The following MAP2K1 variants were observed in gnomAD, a reference collection of about 807,000 sequenced individuals.
MAP2K1 encodes the protein dual specificity mitogen-activated protein kinase kinase 1.
MAP2K1 carries 16 observed loss-of-function variants against 46.3 expected under a neutral mutation model. That is an observed-to-expected ratio of 0.35 (90% confidence interval 0.23 to 0.52). The LOEUF is 0.52. Among genes scored for constraint, MAP2K1 ranks in the 20% least tolerant of loss-of-function variants. The pLI, the probability that MAP2K1 is intolerant of heterozygous loss-of-function variation, is 0.94. For missense variants in MAP2K1, 263 were observed against 497.1 expected (o/e 0.53, Z 4.48); for synonymous variants, 183 against 185.6 (o/e 0.99, Z 0.11).
intron 1 of MAP2K1, among the ~76,000 whole-genome samples, chr15:66,433,345 T>G (rs750113545): frequency 2.6e-5 from 4 of 152,190 alleles, no homozygotes; most frequent in Non-Finnish European, 5.9e-5. Flanking sequence ...ATAGTTTATT[T>G]TCCCACTGTT....
At chr15:66,490,317 CTG>C in intron 10 of MAP2K1, 183 bp from the exon 11 acceptor site, 1 of 701,880 alleles carries the variant, frequency 1.4e-6, no homozygotes, top group South Asian at 1.5e-5. Flanking sequence ...CTCACAGCTG[CTG>C]TGACTGGTGG....
intron 1 of MAP2K1, among the ~76,000 whole-genome samples, chr15:66,420,575 C>T (rs1028939406): frequency 6.6e-6 from 1 of 151,138 alleles, no homozygotes; most frequent in African/African-American, 2.4e-5. Flanking sequence ...AAATAAATGT[C>T]TTTCAACCTG....
chr15:66,420,881 A>G lies in MAP2K1; in HGVS notation c.81-14146A>G, dbSNP rs1314627040. Among the ~76,000 whole-genome samples the G allele has an allele frequency of 4.9e-4, 60 of 122,154 alleles. 1 individual carries two copies. The highest frequency in any genetic ancestry group is 1.6e-3 in the African/African-American group (54 of 33,960). 80.1% of individuals were successfully genotyped at this position (122,154 alleles called of 152,430 possible). A position where few individuals can be genotyped will look rare whatever the true frequency, so the allele number is the denominator to read the frequency against. ...TGTGTATATATATGTGTGTATATATATGTGTATATATACACATACATACAT... is the reference window on the plus strand; with the variant it reads ...TGTGTATATATATGTGTGTATATATGTGTGTATATATACACATACATACAT... On this transcript the variant is annotated intron_variant, in intron 1 of 10. Transcript: ENST00000307102.
At chr15:66,441,109 T>G (rs2093502448) in intron 3 of MAP2K1, among the ~76,000 whole-genome samples, 1 of 152,096 alleles carries the variant, frequency 6.6e-6, no homozygotes, top group Non-Finnish European at 1.5e-5. Flanking sequence ...GGACAACAGA[T>G]GTGCATCACC....
intron 1 of MAP2K1, among the ~76,000 whole-genome samples, chr15:66,390,928 A>G (rs564568668): frequency 1.4e-4 from 22 of 152,248 alleles, no homozygotes; most frequent in African/African-American, 5.1e-4. Flanking sequence ...CCTGGAATGA[A>G]TCACTCCTCC....
chr15:66,393,628 T>G (rs768074004), intron 1 of MAP2K1, among the ~76,000 whole-genome samples: 1 of 152,212 alleles, frequency 6.6e-6, no homozygotes, highest in Admixed American at 6.5e-5. Flanking sequence ...GTGATAATTG[T>G]TTACAAAATC....
chr15:66,397,906 A>T (rs868629324), intron 1 of MAP2K1, among the ~76,000 whole-genome samples: 6 of 152,214 alleles, frequency 3.9e-5, no homozygotes, highest in African/African-American at 1.4e-4. Flanking sequence ...GTTCGAGACC[A>T]GCCTGGCCAA....
At chr15:66,485,640 A>C (rs1893021339) in intron 7 of MAP2K1, among the ~76,000 whole-genome samples, 1 of 151,586 alleles carries the variant, frequency 6.6e-6, no homozygotes, top group African/African-American at 2.4e-5. Flanking sequence ...GTGCAATGGC[A>C]TGATCACAGC....
At chr15:66,424,724 G>A (rs2093452649) in intron 1 of MAP2K1, among the ~76,000 whole-genome samples, 2 of 149,614 alleles carry the variant, frequency 1.3e-5, no homozygotes, top group Non-Finnish European at 3.0e-5. Flanking sequence ...AGCTGCAGTT[G>A]CTTTTTAGTG....
rs2093343088 is a variant in MAP2K1, at chr15:66,387,168, C to G, written c.-180C>G. 1.6e-5 allele frequency: 8 copies of G among 496,874 alleles called. No individual in the cohort carries two copies. The Admixed American group carries it at 3.5e-4, about 22-fold the overall frequency. The allele number at this position is 496,874 out of a possible 1,614,324, so 30.8% of individuals were successfully genotyped here. ...CCCGGGCGGGTGGGGCGGGGGTCCA[C>G]TGAGACCGCTACCGGCCCCTCGGCG... is the stretch of plus-strand genomic sequence containing the variant. On this transcript the variant is annotated 5_prime_UTR_variant, in exon 1 of 11. Coordinates refer to ENST00000307102, the MANE Select transcript of MAP2K1 (RefSeq NM_002755.4).
At chr15:66,454,146 T>C (rs1429245046) in intron 5 of MAP2K1, among the ~76,000 whole-genome samples, 4 of 152,236 alleles carry the variant, frequency 2.6e-5, no homozygotes, top group African/African-American at 9.6e-5. Flanking sequence ...ACCCTACTAC[T>C]TAAGTACCCT....
At chr15:66,401,912 G>A in intron 1 of MAP2K1, 2 of 1,114,590 alleles carry the variant, frequency 1.8e-6, no homozygotes, top group Non-Finnish European at 2.5e-6. Context: ...TGTGACGGGT[G>A]CATCGGTTCG....
intron 1 of MAP2K1, among the ~76,000 whole-genome samples, chr15:66,401,039 G>C (rs2093380484): frequency 1.3e-5 from 2 of 152,170 alleles, no homozygotes; most frequent in Non-Finnish European, 2.9e-5. Context: ...GGATAGTCGA[G>C]ATCAGTTGAT....
intron 8 of MAP2K1, chr15:66,488,830 T>A (rs1275410398): frequency 3.5e-6 from 1 of 284,224 alleles, no homozygotes; most frequent in Non-Finnish European, 6.8e-6. Flanking sequence ...CATGCCGCAC[T>A]CCAAGATTTA....
intron 1 of MAP2K1, among the ~76,000 whole-genome samples, chr15:66,393,453 G>A (rs1481451950): frequency 1.3e-5 from 2 of 152,154 alleles, no homozygotes; most frequent in Non-Finnish European, 2.9e-5. Context: ...TGGGATTACA[G>A]GTGTGAACCA....
intron 6 of MAP2K1, among the ~76,000 whole-genome samples, chr15:66,483,743 A>ATTTT (rs1892969076): frequency 4.7e-5 from 6 of 126,382 alleles, no homozygotes; most frequent in Non-Finnish European, 1.1e-4. Flanking sequence ...TTTGACATAC[A>ATTTT]TTTTCTTTTT....
intron 5 of MAP2K1, among the ~76,000 whole-genome samples, chr15:66,475,174 G>A (rs542572139): frequency 1.4e-4 from 22 of 152,142 alleles, no homozygotes; most frequent in Non-Finnish European, 2.9e-4. Context: ...GCTCCTTGAG[G>A]CCATGGATAG....
chr15:66,453,566 C>T, intron 5 of MAP2K1: 1 of 702,320 alleles, frequency 1.4e-6, no homozygotes, highest in East Asian at 2.7e-5. Context: ...TTCCTGGAAA[C>T]CTGAGTTCAG....
chr15:66,440,071 G>A (rs896784656), intron 3 of MAP2K1, among the ~76,000 whole-genome samples: 1 of 151,168 alleles, frequency 6.6e-6, no homozygotes, highest in Admixed American at 6.6e-5. Flanking sequence ...GATCAATTTT[G>A]GGGGGCGCGT....
Sources: allele counts gnomAD v4.1 joint callset (sites outside exome capture counted in the v4.1 genomes callset), GRCh38; gene constraint gnomAD v4.1.1; transcripts MANE v1.5; gene names NCBI Gene and HGNC (gene_info 2026-07-23, HGNC 2026-07-21).